DENND4C: variants seen among roughly 807,000 people sequenced by gnomAD.
DENND4C encodes DENN domain-containing protein 4C.
A neutral mutation model predicts 203.0 loss-of-function variants in DENND4C; 108 were observed. That is an observed-to-expected ratio of 0.53 (90% CI 0.46 to 0.62). The LOEUF (loss-of-function observed/expected upper bound fraction) is 0.62, where lower values mean the gene tolerates loss of function less well. Among genes scored for constraint, DENND4C ranks in the 20% least tolerant of loss-of-function variants. The probability of loss-of-function intolerance (pLI) is 0.00; values close to 1 mark genes in which losing one functional copy is unlikely to be tolerated. For synonymous variants in DENND4C, 871 were observed against 792.4 expected (o/e 1.10, Z -1.67); for missense variants, 2,481 against 2,301.2 (o/e 1.08, Z -1.60).
rs910386755 is a variant in DENND4C at position 19,373,018 on chromosome 9, T to G, written c.*845T>G. On this transcript the variant is annotated 3_prime_UTR_variant, in exon 33 of 33. Transcript: ENST00000434457. ...GTTTTCTGAAAGGGGTCTCATTGAC[T>G]ATTAAATAAATGACTACTACTAAAC... 5.9e-5 allele frequency: 9 copies of G among 152,330 alleles called. No individual in the cohort carries two copies. The highest frequency in any genetic ancestry group is 6.8e-3 in the Middle Eastern group (2 of 294). 9.4% of individuals were successfully genotyped at this position (152,330 alleles called of 1,614,324 possible).
At chr9:19,351,011 C>T (rs1823996765) in intron 24 of DENND4C, 132 bp downstream of exon 24, 1 of 839,138 alleles carries the variant, frequency 1.2e-6, no homozygotes, top group South Asian at 2.3e-5. Flanking sequence ...AATCTGCCTG[C>T]CTCGGCCTCC....
In DENND4C at chr9:19,286,874, A is replaced by G. The variant is rs1055949348; in HGVS notation, c.411A>G (p.Gln137=). 15 of 1,231,998 alleles carry G rather than the reference A, an allele frequency of 1.2e-5. No homozygotes were observed. The highest frequency in any genetic ancestry group is 1.4e-5 in the Non-Finnish European group (14 of 987,966). 76.3% of individuals were successfully genotyped at this position (1,231,998 alleles called of 1,614,324 possible). ...ANVNNSSTTS[Q]RIFITYRRAP... ...TCAACAATAGTTCAACTACTTCACA[A>G]AGAATCTTTATCACTTATCGAAGGG... is the stretch of plus-strand genomic sequence containing the variant. The change falls in exon 3 of 33, where the codon CAA becomes CAG. Residue 137 remains glutamine (Q), a synonymous_variant. Transcript: ENST00000434457.
chr9:19,356,584 TAAA>T (rs1825454229), intron 26 of DENND4C, among the ~76,000 whole-genome samples: 1 of 152,092 alleles, frequency 6.6e-6, no homozygotes, highest in South Asian at 2.1e-4. Flanking sequence ...TAATATATCT[TAAA>T]GTGCTGCTAC....
At chr9:19,240,320 A>T (rs1229699008) in intron 1 of DENND4C, among the ~76,000 whole-genome samples, 1 of 152,184 alleles carries the variant, frequency 6.6e-6, no homozygotes, top group Non-Finnish European at 1.5e-5. Flanking sequence ...CTATAGCATA[A>T]TGGTGAATAT....
chr9:19,357,821 G>A, intron 27 of DENND4C, 144 bp from the exon 28 acceptor site: 1 of 664,074 alleles, frequency 1.5e-6, no homozygotes, highest in Non-Finnish European at 2.4e-6. Flanking sequence ...ATGGTTGAAG[G>A]AAATGCAATT....
intron 1 of DENND4C, among the ~76,000 whole-genome samples, chr9:19,259,918 A>C (rs1828945434): frequency 6.6e-6 from 1 of 152,174 alleles, no homozygotes; most frequent in Non-Finnish European, 1.5e-5. Context: ...TGCTGCAATA[A>C]ACATGGGAGT....
intron 30 of DENND4C, among the ~76,000 whole-genome samples, chr9:19,363,776 C>T (rs886652221): frequency 6.6e-5 from 10 of 151,934 alleles, no homozygotes; most frequent in Admixed American, 3.9e-4. Context: ...TTTGGGAGAT[C>T]GAGGCAGGTG....
Position 19,373,070 on chromosome 9 carries a change from T to A in DENND4C, c.*897T>A, listed in dbSNP as rs1347607761. 1.3e-5 allele frequency: 2 copies of A among 152,164 alleles called. No homozygotes were observed. Among genetic ancestry groups the A allele is most frequent in the African/African-American group, 2.4e-5 (1 of 41,420 alleles). 9.4% of individuals were successfully genotyped at this position (152,164 alleles called of 1,614,324 possible). A position where few individuals can be genotyped will look rare whatever the true frequency, so the allele number is the denominator to read the frequency against. On this transcript the variant is annotated 3_prime_UTR_variant, in exon 33 of 33. Transcript: ENST00000434457. ...TGTCTGTAGTCATTAATCTTAAAAT[T>A]ACCTGAAAATCTGATGACAGCTGCC...
chr9:19,312,541 C>A (rs937985630), intron 10 of DENND4C, among the ~76,000 whole-genome samples: 1 of 152,154 alleles, frequency 6.6e-6, no homozygotes, highest in Non-Finnish European at 1.5e-5. Flanking sequence ...AAAATATGCA[C>A]AAGAAACTAG....
chr9:19,344,808 C>G (rs1331631996), intron 22 of DENND4C, among the ~76,000 whole-genome samples: 2 of 151,446 alleles, frequency 1.3e-5, no homozygotes, highest in Non-Finnish European at 2.9e-5. Flanking sequence ...CGGCATAACC[C>G]TAACTTAAAA....
intron 10 of DENND4C, among the ~76,000 whole-genome samples, chr9:19,311,575 A>G (rs1002114088): frequency 2.6e-5 from 4 of 152,186 alleles, no homozygotes; most frequent in Non-Finnish European, 4.4e-5. Context: ...GAAATTGTCA[A>G]AAGACCAATA....
At chr9:19,268,497 T>G (rs1035907095) in intron 1 of DENND4C, among the ~76,000 whole-genome samples, 7 of 152,220 alleles carry the variant, frequency 4.6e-5, no homozygotes, top group African/African-American at 1.7e-4. Flanking sequence ...CTCTATATGT[T>G]TGTCTATGTA....
At chr9:19,353,340 A>AAT (rs1483886821) in intron 26 of DENND4C, among the ~76,000 whole-genome samples, 1 of 152,260 alleles carries the variant, frequency 6.6e-6, no homozygotes, top group East Asian at 1.9e-4. Context: ...CTTTAAAAAA[A>AAT]ATACACTGCC....
intron 26 of DENND4C, among the ~76,000 whole-genome samples, chr9:19,356,020 G>C (rs1281937419): frequency 6.6e-6 from 1 of 152,002 alleles, no homozygotes; most frequent in Non-Finnish European, 1.5e-5. Flanking sequence ...GGGTATAAAG[G>C]AGCATTATTA....
intron 10 of DENND4C, among the ~76,000 whole-genome samples, chr9:19,306,956 G>A (rs964436009): frequency 6.6e-6 from 1 of 151,650 alleles, no homozygotes; most frequent in East Asian, 1.9e-4. Flanking sequence ...TAATTTTTTT[G>A]TATTTTTAGT....
At chr9:19,278,718 A>C (rs1228950664) in intron 2 of DENND4C, among the ~76,000 whole-genome samples, 1 of 152,184 alleles carries the variant, frequency 6.6e-6, no homozygotes, top group Non-Finnish European at 1.5e-5. Context: ...AGTATTGTCC[A>C]TCCTATTTAG....
At chr9:19,266,419 T>C (rs1356259349) in intron 1 of DENND4C, among the ~76,000 whole-genome samples, 1 of 152,234 alleles carries the variant, frequency 6.6e-6, no homozygotes, top group African/African-American at 2.4e-5. Flanking sequence ...GCCTGTTCAA[T>C]CTGATGGTAG....
chr9:19,299,053 C>T (rs937776932), intron 7 of DENND4C, among the ~76,000 whole-genome samples, 176 bp from the exon 8 acceptor site: 1 of 152,060 alleles, frequency 6.6e-6, no homozygotes, highest in Admixed American at 6.6e-5. Context: ...TGAGTAAATA[C>T]AGCTATCATT....
At chr9:19,247,923 C>G (rs966671941) in intron 1 of DENND4C, among the ~76,000 whole-genome samples, 1 of 152,204 alleles carries the variant, frequency 6.6e-6, no homozygotes, top group Non-Finnish European at 1.5e-5. Flanking sequence ...TACCTTCAAA[C>G]TATATCCCCA....
Sources: allele counts gnomAD v4.1 joint callset (sites outside exome capture counted in the v4.1 genomes callset), GRCh38; gene constraint gnomAD v4.1.1; transcripts MANE v1.5; gene names NCBI Gene and HGNC (gene_info 2026-07-23, HGNC 2026-07-21).